Variants in RAB30 observed in about 807,000 individuals in gnomAD.
RAB30 encodes ras-related protein Rab-30.
A neutral mutation model predicts 25.1 loss-of-function variants in RAB30; 9 were observed. The ratio of observed to expected loss-of-function variants is 0.36; its 90% CI spans 0.22 to 0.63. The LOEUF is 0.63. Ranked by LOEUF, RAB30 falls within the 20% of genes least tolerant of loss-of-function variation. The pLI is 0.69. For synonymous variants in RAB30, 77 were observed against 86.4 expected, an observed-to-expected ratio of 0.89 and a Z score of 0.60; for missense variants, 140 against 243.5, an observed-to-expected ratio of 0.58 and a Z score of 2.83.
intron 3 of RAB30, among the ~76,000 whole-genome samples, chr11:82,990,595 TC>T (rs1856831171): frequency 6.6e-6 from 1 of 152,204 alleles, no homozygotes; most frequent in Non-Finnish European, 1.5e-5. Flanking sequence ...TTCATGACTC[TC>T]CTATCTATCA....
At chr11:83,066,573 CAG>C (rs1156760906) in intron 1 of RAB30, among the ~76,000 whole-genome samples, 2 of 152,154 alleles carry the variant, frequency 1.3e-5, no homozygotes, top group African/African-American at 2.4e-5. Context: ...TGTTTTGAGA[CAG>C]AGTCTCACTC....
chr11:83,028,815 T>A (rs907258441), intron 1 of RAB30, among the ~76,000 whole-genome samples: 2 of 152,200 alleles, frequency 1.3e-5, no homozygotes, highest in Admixed American at 6.5e-5. Context: ...GACAGCAAGA[T>A]TGCTTAAGCG....
At chr11:83,067,692 A>G (rs1266904541) in intron 1 of RAB30, among the ~76,000 whole-genome samples, 2 of 151,988 alleles carry the variant, frequency 1.3e-5, no homozygotes, top group African/African-American at 4.8e-5. Flanking sequence ...ATCAATTACA[A>G]TTTTCAAAGT....
chr11:83,034,064 C>G (rs1208934726), intron 1 of RAB30: 2 of 152,264 alleles, frequency 1.3e-5, no homozygotes, highest in African/African-American at 4.8e-5. Flanking sequence ...CCATGTCTGC[C>G]TCCCCATCTG....
chr11:83,007,451 G>A (rs1428121386), intron 1 of RAB30, among the ~76,000 whole-genome samples: 2 of 152,166 alleles, frequency 1.3e-5, no homozygotes, highest in Non-Finnish European at 2.9e-5. Flanking sequence ...CATATATTAT[G>A]TTTGATATTT....
rs1286279541 is a variant in RAB30 at position 82,976,665 on chromosome 11, CTCAA to C, written c.*5496_*5499del. The C allele has an allele frequency of 3.3e-5, 5 of 152,264 alleles. No individual in the cohort carries two copies. Among genetic ancestry groups the C allele is most frequent in the African/African-American group, 9.6e-5 (4 of 41,550 alleles). 9.4% of individuals were successfully genotyped at this position (152,264 alleles called of 1,614,324 possible). A position where few individuals can be genotyped will look rare whatever the true frequency, so the allele number is the denominator to read the frequency against. On this transcript the variant is annotated 3_prime_UTR_variant, in exon 5 of 5. Transcript: ENST00000527633. ...CTTGTCCAAAGGAGTCCAAGAAAGT[CTCAA>C]TCAAACTCAAATAGATTTGTCACCA...
At chr11:83,018,817 G>A (rs1857499248) in intron 1 of RAB30, among the ~76,000 whole-genome samples, 1 of 152,126 alleles carries the variant, frequency 6.6e-6, no homozygotes, top group Non-Finnish European at 1.5e-5. Flanking sequence ...GAATTTTAAT[G>A]ATTTCAGGTC....
intron 3 of RAB30, among the ~76,000 whole-genome samples, chr11:82,989,611 A>G (rs1234374376): frequency 6.6e-6 from 1 of 152,192 alleles, no homozygotes; most frequent in African/African-American, 2.4e-5. Flanking sequence ...AGCCCCTAAA[A>G]CACTTGTGAT....
intron 1 of RAB30, among the ~76,000 whole-genome samples, chr11:83,026,116 G>C (rs1459738774): frequency 6.6e-6 from 1 of 152,078 alleles, no homozygotes; most frequent in Non-Finnish European, 1.5e-5. Flanking sequence ...ACTTGAGCCT[G>C]GGAGGTTGAG....
At chr11:83,025,044 G>A (rs140566966) in intron 1 of RAB30, among the ~76,000 whole-genome samples, 178 of 152,302 alleles carry the variant, frequency 1.2e-3, no homozygotes, top group African/African-American at 4.1e-3. Flanking sequence ...TTTTCCCCTG[G>A]AGGAAGATGT....
intron 1 of RAB30, among the ~76,000 whole-genome samples, chr11:83,061,720 T>TTC (rs1159974778): frequency 6.9e-6 from 1 of 144,770 alleles, no homozygotes; most frequent in African/African-American, 2.5e-5. Flanking sequence ...CTTTTTTTTT[T>TTC]TTTTTTTTTT....
Position 82,979,464 on chromosome 11 carries a change from G to A in RAB30, c.*2701C>T, listed in dbSNP as rs1435744801. On this transcript the variant is annotated 3_prime_UTR_variant, in exon 5 of 5. Transcript: ENST00000527633. ...GGCTCATCTTAGCAAATATTGCCAT[G>A]ACAATAAGACTGTTAGGCAAACCAA... The A allele has an allele frequency of 1.3e-5, 2 of 152,080 alleles. No individual in the cohort carries two copies. Among genetic ancestry groups the A allele is most frequent in the African/African-American group, 4.8e-5 (2 of 41,408 alleles). 9.4% of individuals were successfully genotyped at this position (152,080 alleles called of 1,614,324 possible).
At chr11:83,015,798 G>A (rs893824146) in intron 1 of RAB30, among the ~76,000 whole-genome samples, 1 of 152,112 alleles carries the variant, frequency 6.6e-6, no homozygotes, top group Admixed American at 6.6e-5. Context: ...CAAAGAAAAT[G>A]GTGATCAGTC....
At position 82,976,040 on chromosome 11, in the gene RAB30, A is replaced by G. The variant is rs540578361; in HGVS notation, c.*6125T>C. 2.0e-5 allele frequency: 3 copies of G among 152,302 alleles called. No homozygotes were observed. The highest frequency in any genetic ancestry group is 1.9e-4 in the East Asian group (1 of 5,186). The allele number at this position is 152,302 out of a possible 1,614,324, so 9.4% of individuals were successfully genotyped here. The stretch of plus-strand genomic sequence containing the variant: ...TGAGTTTACAACCCTGGAATTGCCT[A>G]TTGGGAGAGAGAGAGAGACCACCTT... On this transcript the variant is annotated 3_prime_UTR_variant, in exon 5 of 5. Coordinates refer to ENST00000527633, the MANE Select transcript of RAB30 (RefSeq NM_001286060.2).
At chr11:83,018,795 T>C (rs1325011518) in intron 1 of RAB30, among the ~76,000 whole-genome samples, 1 of 152,210 alleles carries the variant, frequency 6.6e-6, no homozygotes, top group Non-Finnish European at 1.5e-5. Flanking sequence ...GTTTTACTGA[T>C]GATATTGTCT....
intron 1 of RAB30, among the ~76,000 whole-genome samples, chr11:83,045,636 T>C (rs1224049317): frequency 6.6e-6 from 1 of 152,216 alleles, no homozygotes. Context: ...GCTTGGTGGC[T>C]TTGGACAAAA....
intron 4 of RAB30, chr11:82,986,900 G>A (rs1856748290): frequency 6.6e-6 from 1 of 152,076 alleles, no homozygotes; most frequent in South Asian, 2.1e-4. Context: ...CCTAATTCAG[G>A]TATTGCTAGA....
chr11:83,014,692 AAG>A (rs1367911133), intron 1 of RAB30, among the ~76,000 whole-genome samples: 23 of 138,550 alleles, frequency 1.7e-4, no homozygotes, highest in African/African-American at 4.8e-4. Flanking sequence ...GAAAGAAAGA[AAG>A]AGAAAGGAAG....
chr11:83,039,170 A>G (rs1858050557), intron 1 of RAB30: 1 of 152,270 alleles, frequency 6.6e-6, no homozygotes, highest in African/African-American at 2.4e-5. Flanking sequence ...CTAGTCATTT[A>G]GTAAATATTT....
Sources: allele counts gnomAD v4.1 joint callset (sites outside exome capture counted in the v4.1 genomes callset), GRCh38; gene constraint gnomAD v4.1.1; transcripts MANE v1.5; gene names NCBI Gene and HGNC (gene_info 2026-07-23, HGNC 2026-07-21).